CSMD1: variants seen among roughly 807,000 people sequenced by gnomAD.
The protein encoded by CSMD1 is CUB and sushi domain-containing protein 1.
CSMD1 carries 213 observed loss-of-function variants against 417.5 expected under a neutral mutation model. The observed-to-expected ratio is 0.51, with a 90% CI of 0.46 to 0.57. CSMD1 has a LOEUF of 0.57. CSMD1 is among the 20% of genes least tolerant of loss of function. The pLI is 0.00. For missense variants in CSMD1, 6,923 were observed against 4,529.7 expected (o/e 1.53, Z -15.17); for synonymous variants, 2,862 against 1,736.8 (o/e 1.65, Z -16.11).
chr8:4,398,763 C>G (rs1585014444), intron 3 of CSMD1, among the ~76,000 whole-genome samples: 2 of 152,296 alleles, frequency 1.3e-5, no homozygotes, highest in African/African-American at 4.8e-5. Context: ...TCTCATTTAT[C>G]AAAATTATTG....
chr8:4,337,182 C>A (rs976373848), intron 3 of CSMD1, among the ~76,000 whole-genome samples: 1 of 152,114 alleles, frequency 6.6e-6, no homozygotes, highest in African/African-American at 2.4e-5. Context: ...CTGTTTGCAA[C>A]AGTGTTATCT....
chr8:3,439,974 G>T (rs919510675), intron 12 of CSMD1, among the ~76,000 whole-genome samples: 1 of 152,100 alleles, frequency 6.6e-6, no homozygotes, highest in East Asian at 1.9e-4. Context: ...TCTTCTGTGG[G>T]TTTATTCCTG....
At chr8:4,465,911 C>A (rs1305328060) in intron 2 of CSMD1, among the ~76,000 whole-genome samples, 1 of 152,070 alleles carries the variant, frequency 6.6e-6, no homozygotes, top group Admixed American at 6.5e-5. Flanking sequence ...AAACTCACAG[C>A]CATAGAAGAA....
chr8:4,849,555 T>G (rs2116823420), intron 1 of CSMD1, among the ~76,000 whole-genome samples: 1 of 152,324 alleles, frequency 6.6e-6, no homozygotes, highest in South Asian at 2.1e-4. Flanking sequence ...TTATGACAAG[T>G]ACTCTATACA....
intron 2 of CSMD1, among the ~76,000 whole-genome samples, chr8:4,453,997 A>G (rs777863949): frequency 1.5e-4 from 23 of 150,206 alleles, no homozygotes; most frequent in African/African-American, 1.7e-4. Flanking sequence ...AATTTTTTGT[A>G]TTTTTTAGTA....
rs78320937 is a variant in CSMD1 at position 4,657,779 on chromosome 8, T to G, written c.86-20221A>C. On this transcript the variant is annotated intron_variant, in intron 1 of 69. Coordinates refer to ENST00000635120, the MANE Select transcript of CSMD1 (RefSeq NM_033225.6). ...GACATTTGAATTAGTAGAAAAAGAC[T>G]TAAACCTACTGTTTAAAATACACCC... Among the ~76,000 whole-genome samples the G allele has an allele frequency of 8.3e-3, 1,240 of 148,694 alleles. 11 individuals carry two copies. Among genetic ancestry groups the G allele is most frequent in the African/African-American group, 0.018 (726 of 40,772 alleles).
At chr8:4,765,466 G>C (rs1812402864) in intron 1 of CSMD1, among the ~76,000 whole-genome samples, 1 of 152,162 alleles carries the variant, frequency 6.6e-6, no homozygotes, top group Non-Finnish European at 1.5e-5. Flanking sequence ...ATGCAGTTCA[G>C]TTCAAAAAGT....
intron 3 of CSMD1, among the ~76,000 whole-genome samples, chr8:4,252,534 C>T (rs542671600): frequency 1.3e-5 from 2 of 152,192 alleles, no homozygotes; most frequent in African/African-American, 4.8e-5. Flanking sequence ...CCATAAAATG[C>T]TCCTTAGAAT....
intron 3 of CSMD1, among the ~76,000 whole-genome samples, chr8:4,306,806 C>G (rs371349536): frequency 1.6e-4 from 24 of 150,238 alleles, no homozygotes; most frequent in African/African-American, 4.7e-4. Flanking sequence ...TTCTCCATAG[C>G]ACCAATCAAT....
chr8:4,208,489 T>C (rs2131278301), intron 3 of CSMD1, among the ~76,000 whole-genome samples: 1 of 152,340 alleles, frequency 6.6e-6, no homozygotes, highest in Middle Eastern at 3.4e-3. Flanking sequence ...TTCATCTGCG[T>C]TCTGTAGTTT....
At chr8:3,248,471 A>G (rs1034475304) in intron 26 of CSMD1, among the ~76,000 whole-genome samples, 1 of 150,994 alleles carries the variant, frequency 6.6e-6, no homozygotes, top group African/African-American at 2.4e-5. Flanking sequence ...GGGAAAATCC[A>G]GTGACATCAG....
intron 7 of CSMD1, among the ~76,000 whole-genome samples, chr8:3,678,045 T>G (rs2117584625): frequency 6.6e-6 from 1 of 152,136 alleles, no homozygotes; most frequent in East Asian, 1.9e-4. Context: ...TTAAAGACAG[T>G]GGGAGGGTGG....
intron 10 of CSMD1, among the ~76,000 whole-genome samples, chr8:3,502,769 T>C (rs999087800): frequency 6.6e-6 from 1 of 152,164 alleles, no homozygotes; most frequent in African/African-American, 2.4e-5. Context: ...CTCTGTGTGA[T>C]GTTATAATGG....
At chr8:3,571,125 G>C (rs972844899) in intron 10 of CSMD1, among the ~76,000 whole-genome samples, 2 of 152,142 alleles carry the variant, frequency 1.3e-5, no homozygotes, top group African/African-American at 4.8e-5. Context: ...TCATTCTCAC[G>C]ACAGCTGAGG....
chr8:4,350,708 TCTC>T (rs368420357), intron 3 of CSMD1, among the ~76,000 whole-genome samples: 1 of 152,186 alleles, frequency 6.6e-6, no homozygotes, highest in Non-Finnish European at 1.5e-5. Flanking sequence ...GTTGTCCACT[TCTC>T]CTGCTGACCA....
At position 4,720,802 on chromosome 8, in the gene CSMD1, T is replaced by C. The variant is rs201415159; in HGVS notation, c.86-83244A>G. On this transcript the variant is annotated intron_variant, in intron 1 of 69. Transcript: ENST00000635120. ...ATACTTTGTGACTTAGAATTCCATC[T>C]AAAGATCAACAACGGCCATAAGGAA... Among the ~76,000 whole-genome samples the C allele has an allele frequency of 3.3e-5, 5 of 152,238 alleles. No individual in the cohort carries two copies. The East Asian group carries it at 9.7e-4, about 29-fold the overall frequency.
intron 1 of CSMD1, among the ~76,000 whole-genome samples, chr8:4,684,141 C>A (rs776683112): frequency 1.4e-4 from 21 of 152,172 alleles, no homozygotes; most frequent in Non-Finnish European, 2.6e-4. Context: ...TTCATATACA[C>A]ACGTCAATAG....
chr8:3,292,919 T>C (rs986442898), intron 25 of CSMD1, among the ~76,000 whole-genome samples: 1 of 151,868 alleles, frequency 6.6e-6, no homozygotes, highest in African/African-American at 2.4e-5. Flanking sequence ...TTCTTCCTAG[T>C]CTCGATGGTC....
rs151081118 is a variant in CSMD1 at position 4,071,799 on chromosome 8, T to C, written c.416-39700A>G. ...ATTCCTTGGCAGGAAATTAAGTTAG[T>C]TGCATTCAAATGAAAACTTCCTGTT... On this transcript the variant is annotated intron_variant, in intron 3 of 69. Transcript: ENST00000635120. 4.4e-3 allele frequency among the ~76,000 whole-genome samples: 672 copies of C among 152,298 alleles called. 6 individuals carry two copies. The highest frequency in any genetic ancestry group is 6.8e-3 in the Middle Eastern group (2 of 294).
Sources: allele counts gnomAD v4.1 joint callset (sites outside exome capture counted in the v4.1 genomes callset), GRCh38; gene constraint gnomAD v4.1.1; transcripts MANE v1.5; gene names NCBI Gene and HGNC (gene_info 2026-07-23, HGNC 2026-07-21).